AHCYL2: variants seen among roughly 807,000 people sequenced by gnomAD.
The protein encoded by AHCYL2 is S-adenosylhomocysteine hydrolase-like protein 2.
A neutral mutation model predicts 81.4 loss-of-function variants in AHCYL2; 28 were observed. The ratio of observed to expected loss-of-function variants is 0.34; its 90% CI spans 0.25 to 0.47. AHCYL2 has a LOEUF of 0.47. Ranked by LOEUF, AHCYL2 falls within the 20% of genes least tolerant of loss-of-function variation. The pLI is 1.00. For missense variants in AHCYL2, 551 were observed against 785.1 expected, an observed-to-expected ratio of 0.70 and a Z score of 3.56; for synonymous variants, 272 against 290.2, an observed-to-expected ratio of 0.94 and a Z score of 0.64.
At chr7:129,382,963 C>G (rs978147294) in intron 2 of AHCYL2, among the ~76,000 whole-genome samples, 5 of 152,248 alleles carry the variant, frequency 3.3e-5, no homozygotes, top group African/African-American at 1.2e-4. Flanking sequence ...GCCCCAAAGA[C>G]TCATCCTTGG....
At chr7:129,252,945 A>G (rs1795292552) in intron 1 of AHCYL2, among the ~76,000 whole-genome samples, 1 of 152,182 alleles carries the variant, frequency 6.6e-6, no homozygotes, top group Non-Finnish European at 1.5e-5. Flanking sequence ...ACGGTGGCTC[A>G]TGCCTGTAAT....
chr7:129,422,777 A>G (rs1182977105), intron 12 of AHCYL2, 63 bp from the exon 13 acceptor site: 1 of 1,475,656 alleles, frequency 6.8e-7, no homozygotes, highest in Non-Finnish European at 9.4e-7. Context: ...TCCCTTCAAC[A>G]TCTTTCTGTT....
Position 129,379,680 on chromosome 7 carries a change from C to G in AHCYL2, c.406C>G (p.Pro136Ala), listed in dbSNP as rs1274571928. 2.5e-6 allele frequency: 4 copies of G among 1,614,000 alleles called. No individual in the cohort carries two copies. The African/African-American group carries it at 4.0e-5, about 16-fold the overall frequency. Residue 136 changes from proline to alanine, a missense_variant, in exon 2 of 17, where the codon CCC becomes GCC. Physicochemically the swap from Pro to Ala is conservative, Grantham distance 27. Transcript: ENST00000325006. Reference protein sequence around the residue: ...ADQKQEFNKRPTKIGRRSLSR... With the variant: ...ADQKQEFNKRATKIGRRSLSR... ...CCAGAAGCAAGAATTCAACAAACGT[C>G]CCACCAAAATTGGACGTCGCTCTTT...
intron 1 of AHCYL2, among the ~76,000 whole-genome samples, chr7:129,274,976 C>T (rs920804835): frequency 1.3e-5 from 2 of 152,160 alleles, no homozygotes; most frequent in African/African-American, 4.8e-5. Flanking sequence ...CAGAGACAAG[C>T]GGTCTCTGCT....
intron 1 of AHCYL2, among the ~76,000 whole-genome samples, chr7:129,334,305 A>C (rs969102718): frequency 1.3e-5 from 2 of 152,158 alleles, no homozygotes; most frequent in Non-Finnish European, 2.9e-5. Context: ...ACCTTCATGC[A>C]GTCCTCTCTA....
At chr7:129,272,472 A>C (rs1350900076) in intron 1 of AHCYL2, among the ~76,000 whole-genome samples, 1 of 152,210 alleles carries the variant, frequency 6.6e-6, no homozygotes, top group East Asian at 1.9e-4. Context: ...ACCTTGAAAT[A>C]AGGTGCTGCC....
chr7:129,415,714 G>A (rs200609787), intron 12 of AHCYL2, among the ~76,000 whole-genome samples: 1 of 151,912 alleles, frequency 6.6e-6, no homozygotes, highest in East Asian at 1.9e-4. Flanking sequence ...ACTTTGGGAG[G>A]CCAAGGCGGG....
At chr7:129,332,464 G>A (rs1234845898) in intron 1 of AHCYL2, among the ~76,000 whole-genome samples, 1 of 152,214 alleles carries the variant, frequency 6.6e-6, no homozygotes, top group Non-Finnish European at 1.5e-5. Flanking sequence ...ATCTGAAGAT[G>A]TAGGCAGATG....
At chr7:129,257,610 T>C (rs1490319738) in intron 1 of AHCYL2, among the ~76,000 whole-genome samples, 1 of 152,178 alleles carries the variant, frequency 6.6e-6, no homozygotes, top group Non-Finnish European at 1.5e-5. Flanking sequence ...ATGTATACCT[T>C]GTAACCCAGC....
chr7:129,307,905 T>C (rs1314853725), intron 1 of AHCYL2, among the ~76,000 whole-genome samples: 1 of 151,922 alleles, frequency 6.6e-6, no homozygotes, highest in Non-Finnish European at 1.5e-5. Context: ...GAATGGGACC[T>C]TATGATCCTG....
At chr7:129,390,119 A>C (rs183426696) in intron 4 of AHCYL2, among the ~76,000 whole-genome samples, 1 of 152,294 alleles carries the variant, frequency 6.6e-6, no homozygotes. Flanking sequence ...ATCAAGTTTA[A>C]TTTATGCAAT....
intron 1 of AHCYL2, among the ~76,000 whole-genome samples, chr7:129,354,083 T>C (rs1226935656): frequency 6.6e-6 from 1 of 152,050 alleles, no homozygotes; most frequent in Non-Finnish European, 1.5e-5. Flanking sequence ...CAGACCATAA[T>C]AGATTGAGGA....
rs759827379 is a variant in AHCYL2 at position 129,413,681 on chromosome 7, T to C, written c.1454T>C (p.Ile485Thr). ...VCNMGHSNTE[I>T]DVASLRTPEL... Reference sequence around the variant, plus strand: ...AACATGGGACATTCCAACACAGAGATTGACGTGGTAAGATCAAGTAGCTCA... The same window carrying C: ...AACATGGGACATTCCAACACAGAGACTGACGTGGTAAGATCAAGTAGCTCA... The change falls in exon 12 of 17, where the codon ATT becomes ACT. Residue 485 changes from isoleucine to threonine, a missense_variant. This residue lies in a region of AHCYL2 where 316 missense variants were observed against 543.1 expected (regional missense o/e 0.58). Coordinates refer to ENST00000325006, the MANE Select transcript of AHCYL2 (RefSeq NM_015328.4). 6 of 1,613,856 alleles carry C rather than the reference T, an allele frequency of 3.7e-6. No individual in the cohort carries two copies. The highest frequency in any genetic ancestry group is 2.2e-5 in the South Asian group (2 of 91,084).
intron 8 of AHCYL2, 24 bp downstream of exon 8, chr7:129,405,237 G>A (rs1796244375): frequency 1.3e-6 from 2 of 1,553,540 alleles, no homozygotes; most frequent in South Asian, 1.2e-5. Flanking sequence ...TCTTTGAGAT[G>A]AAGTTGTGAT....
chr7:129,379,832 T>G, intron 2 of AHCYL2, 83 bp downstream of exon 2: 1 of 1,051,168 alleles, frequency 9.5e-7, no homozygotes, highest in South Asian at 1.5e-5. Flanking sequence ...CCAAGGCTAA[T>G]TAAGCATGAC....
chr7:129,312,330 C>T (rs1007931919), intron 1 of AHCYL2, among the ~76,000 whole-genome samples: 1 of 152,234 alleles, frequency 6.6e-6, no homozygotes, highest in Non-Finnish European at 1.5e-5. Flanking sequence ...AAGTGATCCT[C>T]CTGCTTCAGC....
Position 129,422,873 on chromosome 7 carries a change from C to T in AHCYL2, c.1495C>T (p.Arg499Ter), listed in dbSNP as rs759913689. The T allele has an allele frequency of 3.1e-6, 5 of 1,614,070 alleles. No homozygotes were observed. Among genetic ancestry groups the T allele is most frequent in the Admixed American group, 1.7e-5 (1 of 60,014 alleles). Residue 499 changes from arginine (R) to a stop codon, truncating the protein, a stop_gained, in exon 13 of 17, where the codon CGA (arginine) becomes TGA (stop). Coordinates refer to ENST00000325006, the MANE Select transcript of AHCYL2 (RefSeq NM_015328.4). LOFTEE classifies it high-confidence loss of function. ...GCGGACACCAGAACTGACCTGGGAG[C>T]GAGTGAGATCTCAAGTTGACCATGT... ...SLRTPELTWE[R>*]VRSQVDHVIW...
At chr7:129,301,602 G>A (rs912400917) in intron 1 of AHCYL2, among the ~76,000 whole-genome samples, 17 of 152,090 alleles carry the variant, frequency 1.1e-4, no homozygotes, top group African/African-American at 3.9e-4. Flanking sequence ...TCCCAGCACC[G>A]TTTATTGAAG....
At position 129,383,945 on chromosome 7, in the gene AHCYL2, A is replaced by C. The variant is rs565744073; in HGVS notation, c.475+4196A>C. On this transcript the variant is annotated intron_variant, in intron 2 of 16. Transcript: ENST00000325006. ...CCAGCATGGTGACTATAGTTACAAC[A>C]ATGTGTTGTATTCTAGAAAATTGCT... 4.6e-5 allele frequency among the ~76,000 whole-genome samples: 7 copies of C among 152,314 alleles called. No homozygotes were observed. The East Asian group carries it at 1.4e-3, about 29-fold the overall frequency.
Sources: allele counts gnomAD v4.1 joint callset (sites outside exome capture counted in the v4.1 genomes callset), GRCh38; gene constraint gnomAD v4.1.1; regional missense constraint gnomAD v4.1.1; transcripts MANE v1.5; gene names NCBI Gene and HGNC (gene_info 2026-07-23, HGNC 2026-07-21).